The following MYLK variants were observed in gnomAD, a reference collection of about 807,000 sequenced individuals.
The protein encoded by MYLK is myosin light chain kinase, also known as myosin light chain kinase, smooth muscle.
In MYLK, 106 loss-of-function variants were observed where a neutral mutation model predicts 203.4. The ratio of observed to expected loss-of-function variants is 0.52; its 90% CI spans 0.45 to 0.61. The LOEUF is 0.61. Ranked by LOEUF, MYLK falls within the 20% of genes least tolerant of loss-of-function variation. MYLK has a pLI of 0.00. For synonymous variants in MYLK, 867 were observed against 959.5 expected (o/e 0.90, Z 1.78); for missense variants, 2,072 against 2,442.3 (o/e 0.85, Z 3.20).
intron 2 of MYLK, among the ~76,000 whole-genome samples, chr3:123,842,728 T>C (rs998770290): frequency 6.6e-6 from 1 of 152,252 alleles, no homozygotes; most frequent in Admixed American, 6.5e-5. Context: ...ACATTGTTCA[T>C]AGACATTGTG....
intron 2 of MYLK, among the ~76,000 whole-genome samples, chr3:123,849,173 G>A (rs909988190): frequency 1.3e-5 from 2 of 152,052 alleles, no homozygotes; most frequent in South Asian, 2.1e-4. Flanking sequence ...GCAGGGTGTC[G>A]CCATGTTGCT....
intron 17 of MYLK, among the ~76,000 whole-genome samples, 178 bp downstream of exon 17, chr3:123,701,260 A>G (rs951121179): frequency 8.1e-6 from 1 of 122,830 alleles, no homozygotes; most frequent in Admixed American, 8.4e-5. Flanking sequence ...AAAAAAAATC[A>G]CCCCCTCCTT....
intron 12 of MYLK, among the ~76,000 whole-genome samples, chr3:123,725,011 C>A (rs191355538): frequency 2.0e-5 from 3 of 152,022 alleles, no homozygotes; most frequent in Non-Finnish European, 4.4e-5. Context: ...TCCCAAAGTG[C>A]GGATTACAGG....
intron 4 of MYLK, among the ~76,000 whole-genome samples, chr3:123,778,605 T>G (rs2064168982): frequency 6.6e-6 from 1 of 151,782 alleles, no homozygotes; most frequent in Non-Finnish European, 1.5e-5. Context: ...GGCCTGAGAT[T>G]GTCAGACCCG....
intron 2 of MYLK, among the ~76,000 whole-genome samples, chr3:123,853,484 C>T (rs575679279): frequency 6.6e-6 from 1 of 152,200 alleles, no homozygotes; most frequent in South Asian, 2.1e-4. Context: ...CAACATTTGC[C>T]CCAGGGGAAT....
chr3:123,881,667 A>G (rs906413988), intron 1 of MYLK, among the ~76,000 whole-genome samples: 1 of 152,156 alleles, frequency 6.6e-6, no homozygotes, highest in African/African-American at 2.4e-5. Context: ...TGAACTTCCT[A>G]AAAGACAGAC....
At chr3:123,792,887 G>A (rs1410773629) in intron 4 of MYLK, among the ~76,000 whole-genome samples, 1 of 152,174 alleles carries the variant, frequency 6.6e-6, no homozygotes, top group African/African-American at 2.4e-5. Flanking sequence ...TCCATGCACA[G>A]CATGCAATTC....
At chr3:123,705,614 A>G (rs1576652120) in intron 16 of MYLK, among the ~76,000 whole-genome samples, 1 of 152,034 alleles carries the variant, frequency 6.6e-6, no homozygotes, top group East Asian at 1.9e-4. Context: ...TCCTGCTGGG[A>G]CAGTCTAAAT....
chr3:123,785,927 T>A (rs773391640), intron 4 of MYLK, among the ~76,000 whole-genome samples: 2 of 152,226 alleles, frequency 1.3e-5, no homozygotes, highest in Non-Finnish European at 2.9e-5. Flanking sequence ...GACAATGCAA[T>A]TCTGTATCTT....
At chr3:123,622,128 G>C (rs1017171735) in intron 31 of MYLK, 1 of 152,346 alleles carries the variant, frequency 6.6e-6, no homozygotes, top group Admixed American at 6.5e-5. Flanking sequence ...CCCTCCCTAC[G>C]TAGTCAATGT....
At chr3:123,756,846 G>A (rs886233023) in intron 4 of MYLK, among the ~76,000 whole-genome samples, 8 of 152,052 alleles carry the variant, frequency 5.3e-5, no homozygotes, top group Non-Finnish European at 7.4e-5. Flanking sequence ...ACAAAAGCCC[G>A]GTATCAAATA....
At position 123,638,077 on chromosome 3, in the gene MYLK, T is replaced by C. The variant is rs1479057382; in HGVS notation, c.4955A>G (p.Tyr1652Cys). Residue 1652 changes from tyrosine to cysteine, a missense_variant, in exon 29 of 34, where the codon TAC (tyrosine) becomes TGC (cysteine). This residue lies in a region of MYLK where 524 missense variants were observed against 782.4 expected (regional missense o/e 0.67). Coordinates refer to ENST00000360304, the MANE Select transcript of MYLK (RefSeq NM_053025.4). ...CAAGTGCCCCAGGACTCACAGGATG[T>C]AGCAGATGACCCCGATGCTCCACAT... ...TDMWSIGVIC[Y>C]ILVSGLSPFM... 17 of 1,614,048 alleles carry C rather than the reference T, an allele frequency of 1.1e-5. No individual in the cohort carries two copies. Among genetic ancestry groups the C allele is most frequent in the Non-Finnish European group, 1.4e-5 (16 of 1,180,016 alleles).
chr3:123,616,045 G>A (rs1391887309), intron 33 of MYLK, among the ~76,000 whole-genome samples: 1 of 152,174 alleles, frequency 6.6e-6, no homozygotes, highest in African/African-American at 2.4e-5. Flanking sequence ...TTGGAGTGAT[G>A]AAAATGTTCT....
At chr3:123,785,328 A>G (rs1259577226) in intron 4 of MYLK, among the ~76,000 whole-genome samples, 9 of 152,220 alleles carry the variant, frequency 5.9e-5, no homozygotes, top group Admixed American at 5.9e-4. Flanking sequence ...CCAGCTGTTG[A>G]CTATGGTAAA....
At position 123,687,587 on chromosome 3, in the gene MYLK, T is replaced by TCTTC. The variant is rs761614652; in HGVS notation, c.3565+5144_3565+5147dup. On this transcript the variant is annotated intron_variant, in intron 19 of 33. Coordinates refer to ENST00000360304, the MANE Select transcript of MYLK (RefSeq NM_053025.4). ...GCACCTGACCCTTCCTTCCTTCCTT[T>TCTTC]CTTCCTTCCTTCCTTCCTTCCTACC... is the stretch of plus-strand genomic sequence containing the variant. Among the ~76,000 whole-genome samples, 292 of 148,668 alleles carry TCTTC rather than the reference T, an allele frequency of 2.0e-3. 1 individual carries two copies. The highest frequency in any genetic ancestry group is 6.6e-3 in the African/African-American group (257 of 39,202).
intron 3 of MYLK, among the ~76,000 whole-genome samples, chr3:123,824,629 A>G (rs998703968): frequency 6.6e-6 from 1 of 152,174 alleles, no homozygotes; most frequent in Admixed American, 6.5e-5. Flanking sequence ...TGGTTACACT[A>G]TTGATCAAGG....
chr3:123,682,872 C>T (rs888635998), intron 19 of MYLK, among the ~76,000 whole-genome samples: 1 of 152,176 alleles, frequency 6.6e-6, no homozygotes, highest in African/African-American at 2.4e-5. Context: ...GGGGTCTAGG[C>T]CCCACTGTGG....
At position 123,708,019 on chromosome 3, in the gene MYLK, G is replaced by A; in HGVS notation, c.2141-16C>T. On this transcript the variant is annotated splice_polypyrimidine_tract_variant and intron_variant, in intron 15 of 33. Coordinates refer to ENST00000360304, the MANE Select transcript of MYLK (RefSeq NM_053025.4). The stretch of plus-strand genomic sequence containing the variant: ...TCGTGAGGCTCTGGAAATTGGCAAA[G>A]GGCAGAGCTAAACAGGGATGTCCCT... 2 of 1,613,854 alleles carry A rather than the reference G, an allele frequency of 1.2e-6. No homozygotes were observed. The highest frequency in any genetic ancestry group is 1.7e-6 in the Non-Finnish European group (2 of 1,179,906).
intron 31 of MYLK, chr3:123,623,872 T>G (rs2058000298): frequency 6.6e-6 from 1 of 152,182 alleles, no homozygotes; most frequent in South Asian, 2.1e-4. Context: ...AATGGAATTT[T>G]TGTGGACAAC....
Sources: allele counts gnomAD v4.1 joint callset (sites outside exome capture counted in the v4.1 genomes callset), GRCh38; gene constraint gnomAD v4.1.1; regional missense constraint gnomAD v4.1.1; transcripts MANE v1.5; gene names NCBI Gene and HGNC (gene_info 2026-07-23, HGNC 2026-07-21).